Variants in BNC2 observed in about 807,000 individuals in gnomAD.
The protein encoded by BNC2 is zinc finger protein basonuclin-2.
A neutral mutation model predicts 76.3 loss-of-function variants in BNC2; 20 were observed. The ratio of observed to expected loss-of-function variants is 0.26; its 90% confidence interval spans 0.18 to 0.38. The LOEUF is 0.38. BNC2 is among the 10% of genes least tolerant of loss of function. The probability of loss-of-function intolerance (pLI) is 1.00; values close to 1 mark genes in which losing one functional copy is unlikely to be tolerated. For missense variants in BNC2, 1,382 were observed against 1,399.8 expected, an observed-to-expected ratio of 0.99 and a Z score of 0.20; for synonymous variants, 582 against 514.8, an observed-to-expected ratio of 1.13 and a Z score of -1.77.
chr9:16,670,239 C>T (rs542021140), intron 3 of BNC2, among the ~76,000 whole-genome samples: 5 of 152,234 alleles, frequency 3.3e-5, no homozygotes, highest in African/African-American at 1.2e-4. Flanking sequence ...TACTTTTGAA[C>T]ATCTGAAAGA....
At chr9:16,468,038 C>CTTTTT (rs1414982362) in intron 5 of BNC2, among the ~76,000 whole-genome samples, 6 of 146,174 alleles carry the variant, frequency 4.1e-5, no homozygotes, top group African/African-American at 1.6e-4. Context: ...TTCTTTCTTT[C>CTTTTT]TCTTTTTTTT....
intron 5 of BNC2, among the ~76,000 whole-genome samples, chr9:16,526,998 G>C (rs536939657): frequency 2.4e-4 from 37 of 152,316 alleles, no homozygotes; most frequent in African/African-American, 8.7e-4. Flanking sequence ...GTGATGGCTA[G>C]GTTGAGACCT....
intron 5 of BNC2, among the ~76,000 whole-genome samples, chr9:16,486,645 T>C (rs1188407455): frequency 1.3e-5 from 2 of 152,138 alleles, no homozygotes; most frequent in African/African-American, 2.4e-5. Flanking sequence ...CACTAAAGTT[T>C]ACTTTCTGTT....
At chr9:16,499,127 G>A (rs1822463114) in intron 5 of BNC2, among the ~76,000 whole-genome samples, 1 of 152,092 alleles carries the variant, frequency 6.6e-6, no homozygotes, top group African/African-American at 2.4e-5. Flanking sequence ...AAAATACACT[G>A]CACTCTTACT....
chr9:16,560,478 A>G (rs1216096836), intron 4 of BNC2, among the ~76,000 whole-genome samples: 2 of 152,132 alleles, frequency 1.3e-5, no homozygotes, highest in Non-Finnish European at 2.9e-5. Context: ...TTGGGAGGCT[A>G]AGATGGGAGG....
chr9:16,612,435 C>T (rs561925483), intron 3 of BNC2, among the ~76,000 whole-genome samples: 198 of 152,196 alleles, frequency 1.3e-3, no homozygotes, highest in Non-Finnish European at 2.1e-3. Flanking sequence ...CATTTTCCAT[C>T]CTTTTATTAG....
intron 1 of BNC2, among the ~76,000 whole-genome samples, chr9:16,818,683 C>G (rs192059497): frequency 1.3e-5 from 2 of 151,694 alleles, no homozygotes; most frequent in Admixed American, 1.3e-4. Flanking sequence ...GGAGAAGAGT[C>G]TGAACTAGTT....
At chr9:16,668,850 AATT>A (rs1193441167) in intron 3 of BNC2, among the ~76,000 whole-genome samples, 8 of 152,292 alleles carry the variant, frequency 5.3e-5, no homozygotes, top group African/African-American at 1.9e-4. Flanking sequence ...ACAGATTTTA[AATT>A]ATTATAATTC....
At chr9:16,740,702 A>G (rs1293561561) in intron 1 of BNC2, among the ~76,000 whole-genome samples, 1 of 152,184 alleles carries the variant, frequency 6.6e-6, no homozygotes, top group Non-Finnish European at 1.5e-5. Flanking sequence ...TTTTCACTAC[A>G]GGGAAAAAAG....
At chr9:16,808,455 T>C (rs1817964408) in intron 1 of BNC2, among the ~76,000 whole-genome samples, 1 of 149,530 alleles carries the variant, frequency 6.7e-6, no homozygotes, top group Admixed American at 6.7e-5. Flanking sequence ...TCTATCAATA[T>C]CCTAGTTGTG....
At chr9:16,526,467 C>CTTTTTTTTTTTTTT (rs144511624) in intron 5 of BNC2, among the ~76,000 whole-genome samples, 3 of 48,790 alleles carry the variant, frequency 6.1e-5, no homozygotes, top group East Asian at 6.5e-4. Flanking sequence ...TAGTTTAATG[C>CTTTTTTTTTTTTTT]TTTTTTTTTT....
intron 5 of BNC2, among the ~76,000 whole-genome samples, chr9:16,438,015 A>G (rs1821054691): frequency 6.6e-6 from 1 of 152,218 alleles, no homozygotes; most frequent in Admixed American, 6.5e-5. Context: ...GGATTCAATG[A>G]TGAAAATTCC....
Position 16,552,537 on chromosome 9 carries a change from A to C in BNC2, c.662T>G (p.Ile221Ser), listed in dbSNP as rs1818696041. 8.7e-6 allele frequency: 14 copies of C among 1,613,926 alleles called. No individual in the cohort carries two copies. The highest frequency in any genetic ancestry group is 1.3e-5 in the African/African-American group (1 of 74,912). ...WTLRDYVRGY[I>S]LQDAAGKVLD... ...TTCAAGTCCTCTCCCTACCTGAAGG[A>C]TGTATCCTCGGACATAGTCCCGCAG... Residue 221 changes from isoleucine (I) to serine (S), a missense_variant, in exon 5 of 7, where the codon ATC (isoleucine) becomes AGC (serine). Physicochemically the swap from Ile to Ser is moderately radical, Grantham distance 142 (BLOSUM62 -2). Around this residue, in one of 3 missense-constraint regions of BNC2, gnomAD observed 557 missense variants for 540.9 expected, o/e 1.03. Transcript: ENST00000380672.
At chr9:16,763,605 G>A (rs557774691) in intron 1 of BNC2, among the ~76,000 whole-genome samples, 1 of 152,186 alleles carries the variant, frequency 6.6e-6, no homozygotes, top group East Asian at 1.9e-4. Context: ...ACCTTCAGAT[G>A]ATAGTGATTT....
chr9:16,792,569 TC>T (rs1287016038), intron 1 of BNC2, among the ~76,000 whole-genome samples: 1 of 152,130 alleles, frequency 6.6e-6, no homozygotes, highest in Non-Finnish European at 1.5e-5. Flanking sequence ...GAAAGACCAT[TC>T]CCAGTCTGCA....
chr9:16,784,094 G>A (rs1826219268), intron 1 of BNC2, among the ~76,000 whole-genome samples: 1 of 152,172 alleles, frequency 6.6e-6, no homozygotes, highest in South Asian at 2.1e-4. Context: ...ATGGAGGAAA[G>A]CATCACATGA....
chr9:16,475,122 C>T (rs1013797094), intron 5 of BNC2, among the ~76,000 whole-genome samples: 14 of 152,138 alleles, frequency 9.2e-5, no homozygotes, highest in Admixed American at 5.2e-4. Context: ...GCTTTACTCT[C>T]GTGAAAATAG....
chr9:16,682,584 C>A (rs1587311882), intron 3 of BNC2, among the ~76,000 whole-genome samples: 1 of 152,214 alleles, frequency 6.6e-6, no homozygotes, highest in East Asian at 1.9e-4. Context: ...CCTCATTTAA[C>A]TTTTATGGAA....
At chr9:16,586,098 T>C (rs1033789460) in intron 3 of BNC2, among the ~76,000 whole-genome samples, 10 of 151,964 alleles carry the variant, frequency 6.6e-5, no homozygotes, top group Non-Finnish European at 8.8e-5. Context: ...TGTCTGCTCT[T>C]TTCTTTATAC....
Sources: allele counts gnomAD v4.1 joint callset (sites outside exome capture counted in the v4.1 genomes callset), GRCh38; gene constraint gnomAD v4.1.1; regional missense constraint gnomAD v4.1.1; transcripts MANE v1.5; gene names NCBI Gene and HGNC (gene_info 2026-07-23, HGNC 2026-07-21).